The following P3H2 variants were observed in gnomAD, a reference collection of about 807,000 sequenced individuals.
P3H2 encodes the protein leprecan-like 1.
In P3H2, 80 loss-of-function variants were observed where a neutral mutation model predicts 87.0. The observed-to-expected ratio is 0.92, with a 90% CI of 0.77 to 1.11. The LOEUF is 1.11. Among genes scored for constraint, P3H2 ranks in the 50% least tolerant of loss-of-function variants. P3H2 has a pLI of 0.00. For missense variants in P3H2, 1,001 were observed against 923.9 expected (o/e 1.08, Z -1.08); for synonymous variants, 367 against 359.3 (o/e 1.02, Z -0.24).
chr3:190,083,329 C>T (rs942445185), intron 1 of P3H2, among the ~76,000 whole-genome samples: 1 of 152,066 alleles, frequency 6.6e-6, no homozygotes, highest in Non-Finnish European at 1.5e-5. Context: ...AGAAGTTGTG[C>T]CTTATCCACA....
chr3:190,055,672 A>G (rs536219953), intron 1 of P3H2, among the ~76,000 whole-genome samples: 9 of 152,346 alleles, frequency 5.9e-5, no homozygotes, highest in Non-Finnish European at 1.3e-4. Context: ...AAAGATTATT[A>G]TGTGGGCCTT....
chr3:190,113,997 G>A (rs1185177065), intron 1 of P3H2, among the ~76,000 whole-genome samples: 6 of 143,986 alleles, frequency 4.2e-5, no homozygotes, highest in Non-Finnish European at 7.6e-5. Context: ...GGAGAATGGC[G>A]TGAACCCGGG....
intron 1 of P3H2, among the ~76,000 whole-genome samples, chr3:190,110,068 C>T (rs947088713): frequency 6.6e-6 from 1 of 151,982 alleles, no homozygotes; most frequent in Admixed American, 6.6e-5. Context: ...AGGCTGGTCT[C>T]GGACTCCTGA....
chr3:190,076,429 C>T (rs891700626), intron 1 of P3H2, among the ~76,000 whole-genome samples: 1 of 152,134 alleles, frequency 6.6e-6, no homozygotes, highest in African/African-American at 2.4e-5. Flanking sequence ...CAGTGCCAGG[C>T]TACCTTAATC....
At chr3:189,999,987 C>T (rs1157622952) in intron 1 of P3H2, among the ~76,000 whole-genome samples, 1 of 152,166 alleles carries the variant, frequency 6.6e-6, no homozygotes. Context: ...GTTACACTGT[C>T]CTTGAACCTG....
At chr3:190,041,027 TATATATATATACACACAC>T (rs1560374908) in intron 1 of P3H2, among the ~76,000 whole-genome samples, 1 of 29,724 alleles carries the variant, frequency 3.4e-5, no homozygotes, top group East Asian at 7.3e-4. Context: ...CTACTATATA[TATATATATATACACACAC>T]ACACACACAC....
At chr3:189,976,492 C>T (rs1723352985) in intron 8 of P3H2, among the ~76,000 whole-genome samples, 1 of 152,138 alleles carries the variant, frequency 6.6e-6, no homozygotes, top group Admixed American at 6.6e-5. Flanking sequence ...GAACAAACCA[C>T]CCCCATGATT....
At chr3:190,035,442 A>G (rs867606692) in intron 1 of P3H2, among the ~76,000 whole-genome samples, 1 of 152,222 alleles carries the variant, frequency 6.6e-6, no homozygotes, top group African/African-American at 2.4e-5. Context: ...AAAGCTTATT[A>G]AAGAGATATT....
At chr3:189,980,814 G>A (rs1241387774) in intron 8 of P3H2, among the ~76,000 whole-genome samples, 1 of 152,148 alleles carries the variant, frequency 6.6e-6, no homozygotes, top group African/African-American at 2.4e-5. Context: ...TCACACTTAA[G>A]TTTATGCTGA....
At chr3:190,032,096 C>A (rs139219953) in intron 1 of P3H2, among the ~76,000 whole-genome samples, 67 of 152,306 alleles carry the variant, frequency 4.4e-4, no homozygotes, top group African/African-American at 1.5e-3. Flanking sequence ...AGCTGAAACT[C>A]CAGAAATGCA....
At chr3:190,039,049 C>T (rs1666395) in intron 1 of P3H2, among the ~76,000 whole-genome samples, 122,344 of 152,000 alleles carry the variant, frequency 0.8, 49,298 homozygotes, top group East Asian at 0.86. Context: ...ATTAGCCGGG[C>T]GAGGTGGCAT....
intron 10 of P3H2, 131 bp from the exon 11 acceptor site, chr3:189,973,155 T>C: frequency 1.3e-6 from 1 of 780,646 alleles, no homozygotes; most frequent in South Asian, 1.8e-5. Flanking sequence ...GGCTACTACA[T>C]ATTTGTGGAT....
At chr3:189,960,354 A>G (rs1007206732) in intron 14 of P3H2, among the ~76,000 whole-genome samples, 4 of 152,176 alleles carry the variant, frequency 2.6e-5, no homozygotes, top group Non-Finnish European at 2.9e-5. Context: ...ACTAGAATGT[A>G]AGCTCCAGAA....
At chr3:189,998,904 A>T (rs1355216973) in intron 1 of P3H2, among the ~76,000 whole-genome samples, 2 of 152,068 alleles carry the variant, frequency 1.3e-5, no homozygotes, top group Admixed American at 1.3e-4. Context: ...CACAACCTAG[A>T]TCCCTCACTT....
chr3:190,005,038 T>C (rs890682067), intron 1 of P3H2, among the ~76,000 whole-genome samples: 2 of 152,186 alleles, frequency 1.3e-5, no homozygotes, highest in African/African-American at 4.8e-5. Flanking sequence ...AAAAATCATA[T>C]GTCACAAATC....
chr3:190,013,653 CCT>C (rs1724664639), intron 1 of P3H2, among the ~76,000 whole-genome samples: 1 of 152,072 alleles, frequency 6.6e-6, no homozygotes, highest in Non-Finnish European at 1.5e-5. Context: ...AAATATTTTC[CCT>C]TAGGACTTTT....
intron 1 of P3H2, among the ~76,000 whole-genome samples, chr3:190,105,260 T>G (rs1040501411): frequency 3.3e-5 from 5 of 152,236 alleles, no homozygotes; most frequent in African/African-American, 1.2e-4. Flanking sequence ...TCTTTCACAT[T>G]TGAGCCGAGA....
intron 1 of P3H2, among the ~76,000 whole-genome samples, chr3:190,060,384 G>A (rs1020683273): frequency 2.0e-5 from 3 of 152,150 alleles, no homozygotes. Context: ...GAGGTTACAA[G>A]TGATCACAAA....
chr3:189,974,732 A>C, intron 8 of P3H2, 47 bp from the exon 9 acceptor site: 1 of 1,612,890 alleles, frequency 6.2e-7, no homozygotes, highest in East Asian at 2.2e-5. Flanking sequence ...CTGTCCCCCG[A>C]AAGGAAGCAC....
Sources: allele counts gnomAD v4.1 joint callset (sites outside exome capture counted in the v4.1 genomes callset), GRCh38; gene constraint gnomAD v4.1.1; transcripts MANE v1.5; gene names NCBI Gene and HGNC (gene_info 2026-07-23, HGNC 2026-07-21).